The following IL17D variants were observed in gnomAD, a reference collection of about 807,000 sequenced individuals.
IL17D encodes interleukin 17D, also known as interleukin-17D.
Under a neutral mutation model 5.7 loss-of-function variants are expected in IL17D, and 10 were observed. That is an observed-to-expected ratio of 1.75 (90% CI 1.08 to 2.97). The LOEUF (loss-of-function observed/expected upper bound fraction) is 2.97. IL17D is among the 30% of genes most tolerant of loss of function. The pLI, the probability that IL17D is intolerant of heterozygous loss-of-function variation, is 0.00. For synonymous variants in IL17D, 172 were observed against 141.7 expected (o/e 1.21, Z -1.52); for missense variants, 354 against 292.7 (o/e 1.21, Z -1.53).
chr13:20,702,073 T>C (rs2058550949), upstream of IL17D: 1 of 152,220 alleles, frequency 6.6e-6, no homozygotes, highest in Admixed American at 6.5e-5. Context: ...CTCATAATGA[T>C]ACTCTCTTAA....
At chr13:20,710,900 G>A (rs1369497738) in intron 1 of IL17D, among the ~76,000 whole-genome samples, 1 of 152,160 alleles carries the variant, frequency 6.6e-6, no homozygotes, top group East Asian at 1.9e-4. Context: ...GGTAAACAAA[G>A]AAAAGGACAA....
At chr13:20,712,877 TTTTCTTTCTTCTC>T (rs2058650629) in intron 1 of IL17D, 1 of 152,134 alleles carries the variant, frequency 6.6e-6, no homozygotes, top group African/African-American at 2.4e-5. Context: ...TGGGAGGTGC[TTTTCTTTCTTCTC>T]TTTCTTTCTC....
chr13:20,708,607 G>A (rs957636011), intron 1 of IL17D, among the ~76,000 whole-genome samples: 3 of 151,956 alleles, frequency 2.0e-5, no homozygotes, highest in Admixed American at 6.6e-5. Flanking sequence ...TCTTGGTAAA[G>A]TAAAATAAGA....
rs1326468677 is a variant in IL17D, at chr13:20,721,786, C to T, written c.441C>T (p.Pro147=). Residue 147 remains proline, a synonymous_variant, in exon 2 of 2, where the codon CCC becomes CCT. Coordinates refer to ENST00000682841, the MANE Select transcript of IL17D (RefSeq NM_001385224.1). ...YMPTVVLRRT[P]ACAGGRSVYT... is the part of the protein sequence containing the mutation. The stretch of plus-strand genomic sequence containing the variant: ...CCACCGTCGTCCTGCGCCGCACCCC[C>T]GCCTGCGCCGGCGGCCGTTCCGTCT... The T allele has an allele frequency of 2.5e-6, 4 of 1,609,578 alleles. No homozygotes were observed. The highest frequency in any genetic ancestry group is 2.2e-5 in the South Asian group (2 of 91,050).
chr13:20,706,260 T>C (rs2058591548), intron 1 of IL17D, among the ~76,000 whole-genome samples: 1 of 152,224 alleles, frequency 6.6e-6, no homozygotes, highest in South Asian at 2.1e-4. Context: ...TCTTCCTCCA[T>C]TTCCAGGACC....
In IL17D at chr13:20,721,618, CG is replaced by C. The variant is rs749284074; in HGVS notation, c.291-17del. Reference sequence around the variant, plus strand: ...GGCTGCCCCCAGGCGTGACCTCACCCGTGCTCTCTCCCTGCAGAATCTCCTA... The same window carrying C: ...GGCTGCCCCCAGGCGTGACCTCACCCTGCTCTCTCCCTGCAGAATCTCCTA... On this transcript the variant is annotated splice_polypyrimidine_tract_variant and intron_variant, in intron 1 of 1. Coordinates refer to ENST00000682841, the MANE Select transcript of IL17D (RefSeq NM_001385224.1). 1 of 1,573,320 alleles carries C rather than the reference CG, an allele frequency of 6.4e-7. No individual in the cohort carries two copies. Among genetic ancestry groups the C allele is most frequent in the Non-Finnish European group, 8.6e-7 (1 of 1,156,450 alleles).
intron 1 of IL17D, among the ~76,000 whole-genome samples, chr13:20,718,270 C>A (rs1197884900): frequency 1.3e-5 from 2 of 152,126 alleles, no homozygotes; most frequent in Non-Finnish European, 2.9e-5. Flanking sequence ...GGCTCCTGTG[C>A]ACCTCTCGAA....
intron 1 of IL17D, 98 bp from the exon 2 acceptor site, chr13:20,721,538 A>G (rs565474069): frequency 2.0e-5 from 20 of 995,894 alleles, no homozygotes; most frequent in Non-Finnish European, 2.7e-5. Flanking sequence ...AGGACAGGAC[A>G]GTCCCCGAGG....
At position 20,704,215 on chromosome 13, in the gene IL17D, C is replaced by T; in HGVS notation, c.214C>T (p.Pro72Ser). The T allele has an allele frequency of 7.3e-7, 1 of 1,366,358 alleles. No individual in the cohort carries two copies. Among genetic ancestry groups the T allele is most frequent in the Non-Finnish European group, 9.5e-7 (1 of 1,055,586 alleles). 84.6% of individuals were successfully genotyped at this position (1,366,358 alleles called of 1,614,324 possible). A position where few individuals can be genotyped will look rare whatever the true frequency, so the allele number is the denominator to read the frequency against. ...PREQARNASCPAGGRPADRRF... is the reference protein window; with the variant it reads ...PREQARNASCSAGGRPADRRF... ...TGAGCAGGCGCGCAACGCGAGCTGC[C>T]CGGCAGGGGGCAGGCCCGCCGACCG... Residue 72 changes from proline to serine, a missense_variant, in exon 1 of 2, where the codon CCG (proline) becomes TCG (serine). Pro to Ser is a moderately conservative substitution (Grantham distance 74, BLOSUM62 -1). Coordinates refer to ENST00000682841, the MANE Select transcript of IL17D (RefSeq NM_001385224.1).
chr13:20,714,829 T>C (rs992544481), intron 1 of IL17D, among the ~76,000 whole-genome samples: 1 of 152,208 alleles, frequency 6.6e-6, no homozygotes, highest in Non-Finnish European at 1.5e-5. Flanking sequence ...CAGCACATAT[T>C]GAAGATCTTT....
intron 1 of IL17D, 28 bp downstream of exon 1, chr13:20,704,319 C>A: frequency 8.6e-7 from 1 of 1,162,638 alleles, no homozygotes; most frequent in Non-Finnish European, 1.1e-6. Context: ...CCTGGCGGGG[C>A]CCGGCAGGTG....
intron 1 of IL17D, among the ~76,000 whole-genome samples, chr13:20,705,852 C>T (rs1258989334): frequency 2.6e-5 from 4 of 152,084 alleles, no homozygotes; most frequent in Admixed American, 6.6e-5. Context: ...TCAGGCAGCG[C>T]GGTGGGAAGG....
chr13:20,718,827 CCCACA>C, intron 1 of IL17D, among the ~76,000 whole-genome samples: 1 of 147,728 alleles, frequency 6.8e-6, no homozygotes, highest in East Asian at 2.1e-4. Context: ...CACACACCTG[CCCACA>C]CTCAGACACA....
chr13:20,705,623 G>A (rs1170749349), intron 1 of IL17D, among the ~76,000 whole-genome samples: 1 of 152,184 alleles, frequency 6.6e-6, no homozygotes. Flanking sequence ...ATTGAGCCCG[G>A]GAGGTTCAGG....
intron 1 of IL17D, chr13:20,715,982 C>T (rs2058676123): frequency 2.9e-6 from 1 of 340,666 alleles, no homozygotes; most frequent in Non-Finnish European, 4.2e-6. Flanking sequence ...CTCCTGAGCT[C>T]AAGAGGCCTC....
upstream of IL17D, chr13:20,703,307 T>C: frequency 1.0e-6 from 1 of 986,444 alleles, no homozygotes. Context: ...GGGGAGAAGA[T>C]GTTGGGGGCA....
chr13:20,716,000 G>A, intron 1 of IL17D: 2 of 582,068 alleles, frequency 3.4e-6, no homozygotes, highest in Non-Finnish European at 4.3e-6. Flanking sequence ...CTCCCAAAGT[G>A]CTGCGATTAC....
intron 1 of IL17D, chr13:20,712,702 G>A (rs1222072790): frequency 6.6e-6 from 1 of 151,060 alleles, no homozygotes; most frequent in Non-Finnish European, 1.5e-5. Flanking sequence ...CACCCTGCAG[G>A]CTGAGACCCC....
chr13:20,702,954 C>A (rs571785253), upstream of IL17D: 5 of 152,392 alleles, frequency 3.3e-5, no homozygotes, highest in East Asian at 9.6e-4. Context: ...ATTCCTCTTC[C>A]AGGGGGCCTA....
Sources: allele counts gnomAD v4.1 joint callset (sites outside exome capture counted in the v4.1 genomes callset), GRCh38; gene constraint gnomAD v4.1.1; transcripts MANE v1.5; gene names NCBI Gene and HGNC (gene_info 2026-07-23, HGNC 2026-07-21).